PCLO: variants seen among roughly 807,000 people sequenced by gnomAD.
PCLO encodes piccolo presynaptic cytomatrix protein.
Under a neutral mutation model 427.5 loss-of-function variants are expected in PCLO, and 82 were observed. The observed-to-expected ratio is 0.19, with a 90% confidence interval of 0.16 to 0.23. The LOEUF is 0.23. Among genes scored for constraint, PCLO ranks in the 10% least tolerant of loss-of-function variants. PCLO has a pLI of 1.00. For missense variants in PCLO, 6,239 were observed against 6,115.9 expected, an observed-to-expected ratio of 1.02 and a Z score of -0.67; for synonymous variants, 2,357 against 2,155.4, an observed-to-expected ratio of 1.09 and a Z score of -2.59.
intron 3 of PCLO, among the ~76,000 whole-genome samples, chr7:83,085,142 T>C (rs1324843638): frequency 3.3e-5 from 5 of 152,070 alleles, no homozygotes; most frequent in African/African-American, 1.2e-4. Context: ...CCAGCACAAC[T>C]TTACATAAGC....
rs540926891 is a variant in PCLO at position 82,896,220 on chromosome 7, C to G, written c.13528+6431G>C. ...TACATATTATACATGTATACTAAAA[C>G]ATGTATGCAAATATTATTTAAAATA... On this transcript the variant is annotated intron_variant, in intron 9 of 24. Coordinates refer to ENST00000333891, the MANE Select transcript of PCLO (RefSeq NM_033026.6). Among the ~76,000 whole-genome samples, 10 of 151,834 alleles carry G rather than the reference C, an allele frequency of 6.6e-5. No homozygotes were observed. In the South Asian group the frequency reaches 2.1e-3, roughly 31 times the overall value.
intron 16 of PCLO, among the ~76,000 whole-genome samples, chr7:82,835,033 C>G (rs1792195985): frequency 6.6e-6 from 1 of 151,938 alleles, no homozygotes; most frequent in African/African-American, 2.4e-5. Flanking sequence ...CAAGCTCCAC[C>G]TCCTAGGTTC....
chr7:83,091,169 C>T (rs1478052732), intron 3 of PCLO, among the ~76,000 whole-genome samples: 2 of 151,874 alleles, frequency 1.3e-5, no homozygotes, highest in African/African-American at 2.4e-5. Context: ...GTAGTCCTTA[C>T]CATTAAGTAA....
At chr7:83,111,750 T>C (rs1791007651) in intron 3 of PCLO, among the ~76,000 whole-genome samples, 1 of 152,228 alleles carries the variant, frequency 6.6e-6, no homozygotes, top group Non-Finnish European at 1.5e-5. Context: ...TGAGCTATTG[T>C]TATAAAGTGC....
chr7:83,011,911 C>T (rs1788086807), intron 3 of PCLO, among the ~76,000 whole-genome samples: 1 of 152,222 alleles, frequency 6.6e-6, no homozygotes, highest in South Asian at 2.1e-4. Flanking sequence ...GAATGACAGA[C>T]TCTGCTAGGC....
chr7:83,024,032 T>A (rs1475436437), intron 3 of PCLO, among the ~76,000 whole-genome samples: 1 of 152,202 alleles, frequency 6.6e-6, no homozygotes, highest in Admixed American at 6.5e-5. Context: ...TTACTGGCTT[T>A]GGGCCAGTCA....
chr7:82,966,474 A>G lies in PCLO; in HGVS notation c.3314T>C (p.Leu1105Pro). The change falls in exon 4 of 25, where the codon CTT becomes CCT. Residue 1105 changes from leucine to proline, a missense_variant. By Grantham distance (98) the Leu-to-Pro change is moderately conservative (BLOSUM62 -3). This residue lies in a region of PCLO where 4,677 missense variants were observed against 4,468.4 expected (regional missense o/e 1.05). Transcript: ENST00000333891. ...TCTCTGGGTTTGGCAATTTAAACAA[A>G]GCCATTCTTGAATCTGTGGGAAAAA... is the stretch of plus-strand genomic sequence containing the variant. ...TPHLTEIQEW[L>P]CLNCQTQRAI... 1.3e-6 allele frequency: 2 copies of G among 1,573,910 alleles called. No homozygotes were observed. Among genetic ancestry groups the G allele is most frequent in the Non-Finnish European group, 1.7e-6 (2 of 1,163,948 alleles).
intron 8 of PCLO, among the ~76,000 whole-genome samples, chr7:82,903,380 T>C (rs1056906179): frequency 1.3e-5 from 2 of 152,040 alleles, no homozygotes; most frequent in Non-Finnish European, 2.9e-5. Context: ...GCATTATTGA[T>C]AGTGTTATGT....
intron 3 of PCLO, among the ~76,000 whole-genome samples, chr7:83,079,707 T>C (rs2190043): frequency 0.28 from 42,785 of 151,888 alleles, 7,132 homozygotes; most frequent in East Asian, 0.56. Context: ...GAAGAGAGGA[T>C]TTTTTTATTT....
chr7:83,003,033 T>A (rs545856160), intron 3 of PCLO, among the ~76,000 whole-genome samples: 1 of 151,762 alleles, frequency 6.6e-6, no homozygotes, highest in East Asian at 1.9e-4. Flanking sequence ...TGGAAATATA[T>A]CTGAAAGATC....
At position 82,916,390 on chromosome 7, in the gene PCLO, G is replaced by C. The variant is rs770636933; in HGVS notation, c.11596C>G (p.Gln3866Glu). Residue 3866 changes from glutamine (Q) to glutamate (E), a missense_variant, in exon 7 of 25, where the codon CAG becomes GAG. Around this residue, in one of 5 missense-constraint regions of PCLO, gnomAD observed 680 missense variants for 677.3 expected, o/e 1.00. Transcript: ENST00000333891. The stretch of plus-strand genomic sequence containing the variant: ...GTTTGGGTTTGTGGTGGTATAAACT[G>C]GCTGAATTCAGTTTGGGGAGCAGTT... ...PRTAPQTEFS[Q>E]FIPPQTQTES... 1.2e-6 allele frequency: 2 copies of C among 1,613,706 alleles called. No individual in the cohort carries two copies. Among genetic ancestry groups the C allele is most frequent in the South Asian group, 2.2e-5 (2 of 91,078 alleles).
chr7:83,012,216 T>C (rs367921929), intron 3 of PCLO, among the ~76,000 whole-genome samples: 43 of 152,236 alleles, frequency 2.8e-4, no homozygotes, highest in African/African-American at 8.7e-4. Context: ...GTGTGAACTA[T>C]TGTAAACTGC....
intron 22 of PCLO, among the ~76,000 whole-genome samples, chr7:82,784,242 A>C (rs974553262): frequency 7.2e-5 from 11 of 152,022 alleles, no homozygotes; most frequent in Admixed American, 6.6e-4. Context: ...CAAGGCTTCT[A>C]TTCTCTCTCT....
intron 10 of PCLO, chr7:82,848,992 G>A (rs969573665): frequency 2.1e-5 from 6 of 285,810 alleles, no homozygotes; most frequent in Admixed American, 1.2e-4. Flanking sequence ...AATATAGCAC[G>A]CTGAAAGAGG....
chr7:83,071,592 T>C (rs1789817090), intron 3 of PCLO, among the ~76,000 whole-genome samples: 1 of 152,130 alleles, frequency 6.6e-6, no homozygotes, highest in Non-Finnish European at 1.5e-5. Flanking sequence ...TCATTCCCTC[T>C]CCAGTCAGGC....
In PCLO at chr7:82,951,836, T is replaced by C. The variant is rs1795357473; in HGVS notation, c.9097+20A>G. 1 of 1,596,160 alleles carries C rather than the reference T, an allele frequency of 6.3e-7. No homozygotes were observed. The highest frequency in any genetic ancestry group is 1.3e-5 in the African/African-American group (1 of 74,394). ...CATAATGATATTTCAAGGAAAGGTC[T>C]GCTGCCACATCATACTGACCTGTAG... On this transcript the variant is annotated intron_variant, in intron 5 of 24. Coordinates refer to ENST00000333891, the MANE Select transcript of PCLO (RefSeq NM_033026.6).
intron 9 of PCLO, among the ~76,000 whole-genome samples, chr7:82,899,510 CAT>C (rs1339999352): frequency 6.6e-6 from 1 of 151,176 alleles, no homozygotes; most frequent in Admixed American, 6.6e-5. Flanking sequence ...TTTCCTAAGA[CAT>C]ATGGAAAATA....
intron 3 of PCLO, among the ~76,000 whole-genome samples, chr7:83,116,728 T>C (rs1161849057): frequency 6.6e-6 from 1 of 152,164 alleles, no homozygotes; most frequent in Non-Finnish European, 1.5e-5. Context: ...ATAAAAGACT[T>C]GAGCTCATTC....
At chr7:82,985,551 A>G (rs1455890244) in intron 3 of PCLO, among the ~76,000 whole-genome samples, 1 of 151,896 alleles carries the variant, frequency 6.6e-6, no homozygotes, top group African/African-American at 2.4e-5. Context: ...TGAATAGACA[A>G]GGCTGTGTCG....
Sources: allele counts gnomAD v4.1 joint callset (sites outside exome capture counted in the v4.1 genomes callset), GRCh38; gene constraint gnomAD v4.1.1; regional missense constraint gnomAD v4.1.1; transcripts MANE v1.5; gene names NCBI Gene and HGNC (gene_info 2026-07-23, HGNC 2026-07-21).